The following CCDC171 variants were observed in gnomAD, a reference collection of about 807,000 sequenced individuals.
CCDC171 encodes coiled-coil domain-containing protein 171.
Under a neutral mutation model 168.2 loss-of-function variants are expected in CCDC171, and 177 were observed. The ratio of observed to expected loss-of-function variants is 1.05; its 90% CI spans 0.93 to 1.19. The LOEUF (loss-of-function observed/expected upper bound fraction) is 1.19, where lower values mean the gene tolerates loss of function less well. CCDC171 is among the 50% of genes most tolerant of loss of function. CCDC171 has a pLI of 0.00. For missense variants in CCDC171, 1,991 were observed against 1,539.0 expected (o/e 1.29, Z -4.91); for synonymous variants, 687 against 540.8 (o/e 1.27, Z -3.75).
intron 24 of CCDC171, among the ~76,000 whole-genome samples, chr9:15,892,934 A>G (rs1820413989): frequency 6.6e-6 from 1 of 152,192 alleles, no homozygotes; most frequent in Non-Finnish European, 1.5e-5. Context: ...AGAAAAAACT[A>G]TTTTAAAATT....
At position 15,657,237 on chromosome 9, in the gene CCDC171, A is replaced by G; in HGVS notation, c.915+18A>G. 2.0e-6 allele frequency: 3 copies of G among 1,510,448 alleles called. No homozygotes were observed. The highest frequency in any genetic ancestry group is 2.8e-6 in the Non-Finnish European group (3 of 1,089,736). The allele number at this position is 1,510,448 out of a possible 1,614,324, so 93.6% of individuals were successfully genotyped here. On this transcript the variant is annotated intron_variant, in intron 8 of 25. Transcript: ENST00000380701. The stretch of plus-strand genomic sequence containing the variant: ...TTATTCAGGTAAAATGTAAACAAAT[A>G]TTTTGGCCTGCATTTTCTTAATTTG...
rs1239031149 is a variant in CCDC171, at chr9:15,888,885, C to T, written c.3600+14222C>T. ...ATGTTTTTGATTAAAGGGTGCTATT[C>T]CAGATCTTGATGAGCTTGATGAGAG... is the stretch of plus-strand genomic sequence containing the variant. On this transcript the variant is annotated intron_variant, in intron 24 of 25. Coordinates refer to ENST00000380701, the MANE Select transcript of CCDC171 (RefSeq NM_173550.4). 2.0e-5 allele frequency: 3 copies of T among 150,794 alleles called. No individual in the cohort carries two copies. The East Asian group carries it at 5.8e-4, about 29-fold the overall frequency. 9.3% of individuals were successfully genotyped at this position (150,794 alleles called of 1,614,324 possible).
intron 16 of CCDC171, among the ~76,000 whole-genome samples, chr9:15,739,713 T>A (rs902640429): frequency 7.3e-5 from 11 of 151,696 alleles, no homozygotes; most frequent in African/African-American, 2.7e-4. Flanking sequence ...TTGGAAACTT[T>A]GAGACAAAAT....
chr9:15,690,478 G>A (rs10121391), intron 10 of CCDC171, among the ~76,000 whole-genome samples: 142,473 of 152,152 alleles, frequency 0.94, 66,798 homozygotes, highest in East Asian at 1. Flanking sequence ...AACTTGTTAT[G>A]TTATAATGAT....
At chr9:15,592,074 T>C (rs1299432159) in intron 5 of CCDC171, among the ~76,000 whole-genome samples, 4 of 152,030 alleles carry the variant, frequency 2.6e-5, no homozygotes, top group Admixed American at 6.6e-5. Flanking sequence ...AAAAGTGATA[T>C]AAGGTTGAAG....
intron 6 of CCDC171, among the ~76,000 whole-genome samples, chr9:15,613,420 C>T (rs1292305740): frequency 6.6e-6 from 1 of 152,024 alleles, no homozygotes; most frequent in Non-Finnish European, 1.5e-5. Context: ...TAAATAAAGA[C>T]TCAAAACACT....
intron 7 of CCDC171, among the ~76,000 whole-genome samples, chr9:15,636,170 C>T (rs758817848): frequency 2.0e-5 from 3 of 151,596 alleles, no homozygotes; most frequent in Non-Finnish European, 1.5e-5. Flanking sequence ...ATATATATAT[C>T]TATAAGATGC....
At chr9:15,667,233 A>G (rs557313494) in intron 9 of CCDC171, among the ~76,000 whole-genome samples, 33 of 152,210 alleles carry the variant, frequency 2.2e-4, no homozygotes, top group Non-Finnish European at 4.3e-4. Context: ...TCATACTACC[A>G]TTAGTATGTG....
intron 25 of CCDC171, among the ~76,000 whole-genome samples, chr9:15,958,119 CATTCATT>C: frequency 7.2e-6 from 1 of 139,800 alleles, no homozygotes; most frequent in African/African-American, 3.2e-5. Flanking sequence ...CTCATCCATT[CATTCATT>C]CATTCATTCA....
intron 24 of CCDC171, among the ~76,000 whole-genome samples, chr9:15,901,538 A>T (rs955226491): frequency 6.6e-6 from 1 of 152,242 alleles, no homozygotes; most frequent in African/African-American, 2.4e-5. Flanking sequence ...TAAATATACC[A>T]TAAAATCTAT....
the CCDC171 span, among the ~76,000 whole-genome samples, chr9:16,098,457 T>A: frequency 6.6e-6 from 1 of 152,176 alleles, no homozygotes; most frequent in Non-Finnish European, 1.5e-5. Flanking sequence ...GCAGTTTCCC[T>A]CAGAAGGAGA....
At chr9:16,098,190 C>A in the CCDC171 span, among the ~76,000 whole-genome samples, 4 of 152,114 alleles carry the variant, frequency 2.6e-5, no homozygotes, top group African/African-American at 9.7e-5. Flanking sequence ...ATCGCTGAGC[C>A]TTTTTTCCCC....
At chr9:16,016,572 G>A (rs1833025599) in intron 3 of CCDC171, among the ~76,000 whole-genome samples, 1 of 152,130 alleles carries the variant, frequency 6.6e-6, no homozygotes, top group Non-Finnish European at 1.5e-5. Flanking sequence ...TGAGGTCGGT[G>A]AGCCACTTCT....
chr9:16,099,484 G>A, the CCDC171 span, among the ~76,000 whole-genome samples: 3 of 152,228 alleles, frequency 2.0e-5, no homozygotes, highest in Non-Finnish European at 2.9e-5. Context: ...AGACGAATCA[G>A]CTGTTTCTGA....
chr9:15,956,880 TTTATACAATACTA>T (rs1469487418), intron 25 of CCDC171, among the ~76,000 whole-genome samples: 5 of 152,240 alleles, frequency 3.3e-5, no homozygotes, highest in South Asian at 4.1e-4. Flanking sequence ...CCAGGTAGTC[TTTATACAATACTA>T]TTATTAATGA....
At chr9:15,625,720 C>G (rs1211146839) in intron 7 of CCDC171, among the ~76,000 whole-genome samples, 1 of 152,238 alleles carries the variant, frequency 6.6e-6, no homozygotes, top group South Asian at 2.1e-4. Context: ...GTTACTGTAG[C>G]CTTGTATTAT....
chr9:16,093,572 T>G, the CCDC171 span, among the ~76,000 whole-genome samples: 1 of 152,224 alleles, frequency 6.6e-6, no homozygotes, highest in African/African-American at 2.4e-5. Context: ...AAAAGAATAG[T>G]AATTTAAGAA....
At chr9:16,074,008 A>C in the CCDC171 span, among the ~76,000 whole-genome samples, 1 of 152,128 alleles carries the variant, frequency 6.6e-6, no homozygotes, top group African/African-American at 2.4e-5. Context: ...ATCTAGCCAC[A>C]GTGCAAACTG....
the CCDC171 span, among the ~76,000 whole-genome samples, chr9:16,066,760 T>G: frequency 6.6e-6 from 1 of 150,848 alleles, no homozygotes; most frequent in Admixed American, 6.6e-5. Context: ...TGATTTCCAA[T>G]TTCATCCATG....
Sources: gnomAD v4.1 joint callset for allele counts (sites outside exome capture counted in the v4.1 genomes callset) on GRCh38, gnomAD v4.1.1 for gene constraint, MANE v1.5 for transcripts, NCBI Gene and HGNC (gene_info 2026-07-23, HGNC 2026-07-21) for gene names.